FDPS: variants seen among roughly 807,000 people sequenced by gnomAD.
FDPS encodes farnesyl diphosphate synthase, also known as farnesyl pyrophosphate synthase.
FDPS carries 29 observed loss-of-function variants against 49.5 expected under a neutral mutation model. That is an observed-to-expected ratio of 0.59 (90% confidence interval 0.44 to 0.80). FDPS has a LOEUF of 0.80. Ranked by LOEUF, FDPS falls within the 30% of genes least tolerant of loss-of-function variation. FDPS has a pLI of 0.00. For synonymous variants in FDPS, 172 were observed against 206.4 expected, an observed-to-expected ratio of 0.83 and a Z score of 1.43; for missense variants, 414 against 525.6, an observed-to-expected ratio of 0.79 and a Z score of 2.08.
intron 4 of FDPS, among the ~76,000 whole-genome samples, chr1:155,314,486 T>C (rs892559313): frequency 3.9e-5 from 6 of 151,978 alleles, no homozygotes; most frequent in Admixed American, 6.6e-5. Context: ...GTCTAAATTT[T>C]TTTTTAGAGA....
intron 10 of FDPS, 187 bp downstream of exon 10, chr1:155,320,115 T>C (rs1650147870): frequency 1.4e-6 from 1 of 706,712 alleles, no homozygotes. Flanking sequence ...CCAAAGATGT[T>C]GCCAAACATG....
chr1:155,320,095 T>C (rs1418947545), intron 10 of FDPS, 167 bp downstream of exon 10: 3 of 798,322 alleles, frequency 3.8e-6, no homozygotes, highest in Non-Finnish European at 6.0e-6. Context: ...AGACATCTAG[T>C]TGGCAGGAGC....
rs951005582 is a variant in FDPS, at chr1:155,309,620, T to C, written c.-1-169T>C. On this transcript the variant is annotated intron_variant, in intron 1 of 10. Coordinates refer to ENST00000368356, the MANE Select transcript of FDPS (RefSeq NM_002004.4). The stretch of plus-strand genomic sequence containing the variant: ...CAGTCACCCAGCCATACTTTTTTGT[T>C]CCCTGCGTATCCTTCCTGTAATTGT... 8.3e-5 allele frequency: 47 copies of C among 562,888 alleles called. No homozygotes were observed. In the East Asian group the frequency reaches 1.3e-3, roughly 16 times the overall value. The allele number at this position is 562,888 out of a possible 1,614,324, so 34.9% of individuals were successfully genotyped here. A position where few individuals can be genotyped will look rare whatever the true frequency, so the allele number is the denominator to read the frequency against.
chr1:155,309,776 A>C lies in FDPS; in HGVS notation c.-1-13A>C. On this transcript the variant is annotated splice_polypyrimidine_tract_variant and intron_variant, in intron 1 of 10. Transcript: ENST00000368356. ...AGGGAGTGCTTAGTGCCCCCTCCCTATGCCACTCCCAGGATGCCCCTGTCC... is the reference window on the plus strand; with the variant it reads ...AGGGAGTGCTTAGTGCCCCCTCCCTCTGCCACTCCCAGGATGCCCCTGTCC... The C allele has an allele frequency of 1.3e-6, 2 of 1,529,838 alleles. No homozygotes were observed. The highest frequency in any genetic ancestry group is 1.8e-6 in the Non-Finnish European group (2 of 1,131,132). 94.8% of individuals were successfully genotyped at this position (1,529,838 alleles called of 1,614,324 possible). A position where few individuals can be genotyped will look rare whatever the true frequency, so the allele number is the denominator to read the frequency against.
chr1:155,320,074 G>GC, intron 10 of FDPS, 146 bp downstream of exon 10: 1 of 933,586 alleles, frequency 1.1e-6, no homozygotes, highest in East Asian at 2.6e-5. Flanking sequence ...CTGTGTGTGT[G>GC]CATGTGGTAC....
Position 155,309,879 on chromosome 1 carries a change from A to G in FDPS, c.90A>G (p.Leu30=). 5 of 1,590,444 alleles carry G rather than the reference A, an allele frequency of 3.1e-6. No individual in the cohort carries two copies. The highest frequency in any genetic ancestry group is 4.3e-6 in the Non-Finnish European group (5 of 1,167,596). The change falls in exon 2 of 11, where the codon CTA becomes CTG. Residue 30 remains leucine, a synonymous_variant. Coordinates refer to ENST00000368356, the MANE Select transcript of FDPS (RefSeq NM_002004.4). ...CCCGGGAGAGGTGGCTGGGTTCCCT[A>G]CGGCGGCCCTCCCTGGTGCACGGGT... ...WAPRERWLGS[L]RRPSLVHGYP...
At chr1:155,311,919 C>G (rs949077128) in intron 3 of FDPS, among the ~76,000 whole-genome samples, 2 of 151,820 alleles carry the variant, frequency 1.3e-5, no homozygotes, top group African/African-American at 4.8e-5. Flanking sequence ...TTGCAGTGAG[C>G]CAAGATCGTG....
intron 4 of FDPS, chr1:155,312,596 G>A (rs1648915726): frequency 5.1e-6 from 3 of 585,368 alleles, no homozygotes; most frequent in African/African-American, 1.9e-5. Flanking sequence ...TATGAAGATG[G>A]CTGTAGATAG....
chr1:155,310,310 A>T, intron 3 of FDPS, 105 bp downstream of exon 3: 2 of 1,035,560 alleles, frequency 1.9e-6, no homozygotes, highest in South Asian at 3.1e-5. Context: ...ATGTGAGAGA[A>T]AGCTTTTTTT....
chr1:155,318,854 A>AG lies in FDPS; in HGVS notation c.774dup. 2 of 1,611,824 alleles carry AG rather than the reference A, an allele frequency of 1.2e-6. No individual in the cohort carries two copies. Among genetic ancestry groups the AG allele is most frequent in the Non-Finnish European group, 1.7e-6 (2 of 1,177,898 alleles). On this transcript the variant is annotated splice_acceptor_variant, in intron 7 of 10. Coordinates refer to ENST00000368356, the MANE Select transcript of FDPS (RefSeq NM_002004.4). LOFTEE classifies it high-confidence loss of function. The surrounding 1 kb of genome is among the most constrained non-coding windows in gnomAD (Gnocchi z 4.2). ...AGGAGTTTCTCTTCTCCCCTTACTC[A>AG]GGTACAAATCTATTGTCAAGTACAA...
intron 4 of FDPS, among the ~76,000 whole-genome samples, chr1:155,316,532 C>G (rs1649434523): frequency 6.6e-6 from 1 of 151,984 alleles, no homozygotes; most frequent in Non-Finnish European, 1.5e-5. Flanking sequence ...AATCCCAGCA[C>G]TTTGGGAGGC....
intron 3 of FDPS, 109 bp from the exon 4 acceptor site, chr1:155,312,146 G>T: frequency 1.6e-6 from 2 of 1,263,052 alleles, no homozygotes; most frequent in South Asian, 1.3e-5. Context: ...AGTTGGGGTT[G>T]GGGAGGATAA....
At chr1:155,309,623 C>G in intron 1 of FDPS, 166 bp from the exon 2 acceptor site, 1 of 581,986 alleles carries the variant, frequency 1.7e-6, no homozygotes, top group Non-Finnish European at 2.9e-6. Context: ...TTTTTGTTCC[C>G]TGCGTATCCT....
Position 155,318,909 on chromosome 1 carries a change from T to C in FDPS, c.827T>C (p.Ile276Thr). 1 of 1,613,138 alleles carries C rather than the reference T, an allele frequency of 6.2e-7. No individual in the cohort carries two copies. The highest frequency in any genetic ancestry group is 8.5e-7 in the Non-Finnish European group (1 of 1,179,178). ...GCTTTCTACTCCTTCTACCTTCCTATAGCTGCAGCCATGTACATGGTGAGT... is the reference window on the plus strand; with the variant it reads ...GCTTTCTACTCCTTCTACCTTCCTACAGCTGCAGCCATGTACATGGTGAGT... ...KTAFYSFYLP[I>T]AAAMYMAGID... is the part of the protein sequence containing the mutation. Residue 276 changes from isoleucine (I) to threonine (T), a missense_variant, in exon 8 of 11, where the codon ATA (isoleucine) becomes ACA (threonine). Transcript: ENST00000368356. The surrounding 1 kb of genome is among the most constrained non-coding windows in gnomAD (Gnocchi z 4.2).
intron 9 of FDPS, 40 bp from the exon 10 acceptor site, chr1:155,319,754 T>A (rs11264361): frequency 1.2e-6 from 2 of 1,613,808 alleles, no homozygotes; most frequent in Middle Eastern, 1.6e-4. Context: ...CCCAGGAACC[T>A]CATCCTTCCT....
chr1:155,320,173 T>C, intron 10 of FDPS: 1 of 643,932 alleles, frequency 1.6e-6, no homozygotes, highest in Non-Finnish European at 2.7e-6. Flanking sequence ...GTCCCAAATT[T>C]CAATAGTGCC....
At position 155,320,556 on chromosome 1, in the gene FDPS, C is replaced by A; in HGVS notation, c.1207C>A (p.Pro403Thr). ...CATTGAACAGTACGCAGCACCCCTG[C>A]CCCCAGCCGTCTTTCTGGGGCTTGC... ...ALIEQYAAPL[P>T]PAVFLGLARK... Residue 403 changes from proline to threonine, a missense_variant, in exon 11 of 11, where the codon CCC (proline) becomes ACC (threonine). Pro to Thr is a conservative substitution (Grantham distance 38). Coordinates refer to ENST00000368356, the MANE Select transcript of FDPS (RefSeq NM_002004.4). 1 of 1,614,188 alleles carries A rather than the reference C, an allele frequency of 6.2e-7. No homozygotes were observed. The highest frequency in any genetic ancestry group is 1.1e-5 in the South Asian group (1 of 91,086).
At chr1:155,312,901 C>T (rs1648946123) in intron 4 of FDPS, 1 of 152,720 alleles carries the variant, frequency 6.5e-6, no homozygotes, top group Non-Finnish European at 1.5e-5. Flanking sequence ...ATCGCTTGAA[C>T]CTGGGAGGCA....
chr1:155,318,170 C>G lies in FDPS; in HGVS notation c.563C>G (p.Pro188Arg), dbSNP rs1183957237. The change falls in exon 6 of 11, where the codon CCG becomes CGG. Residue 188 changes from proline to arginine, a missense_variant and splice_region_variant. Transcript: ENST00000368356. This position sits in a 1 kb window ranked among gnomAD's most constrained non-coding sequence, Gnocchi z 4.2. ...RRGQICWYQK[P>R]GVGLDAINDA... is the part of the protein sequence containing the mutation. ...TTGTTTTTCTGTCTGTCATGACAGC[C>G]GGGCGTGGGTTTGGATGCCATCAAT... is the stretch of plus-strand genomic sequence containing the variant. The G allele has an allele frequency of 6.2e-7, 1 of 1,614,072 alleles. No individual in the cohort carries two copies. Among genetic ancestry groups the G allele is most frequent in the Non-Finnish European group, 8.5e-7 (1 of 1,180,002 alleles).
Sources: gnomAD v4.1 joint callset for allele counts (sites outside exome capture counted in the v4.1 genomes callset) on GRCh38, gnomAD v4.1.1 for gene constraint, Gnocchi (gnomAD v3.1) non-coding constraint, MANE v1.5 for transcripts, NCBI Gene and HGNC (gene_info 2026-07-23, HGNC 2026-07-21) for gene names.